The following DAB1 variants were observed in gnomAD, a reference collection of about 807,000 sequenced individuals.
DAB1 encodes the protein disabled homolog 1.
In DAB1, 15 loss-of-function variants were observed where a neutral mutation model predicts 64.6. The ratio of observed to expected loss-of-function variants is 0.23; its 90% CI spans 0.16 to 0.36. DAB1 has a LOEUF of 0.36. DAB1 is among the 10% of genes least tolerant of loss of function. The pLI is 1.00. For synonymous variants in DAB1, 235 were observed against 251.9 expected (o/e 0.93, Z 0.64); for missense variants, 596 against 706.7 (o/e 0.84, Z 1.78).
chr1:57,629,877 G>A (rs988409761), intron 7 of DAB1, among the ~76,000 whole-genome samples: 1 of 151,790 alleles, frequency 6.6e-6, no homozygotes, highest in African/African-American at 2.4e-5. Context: ...TTACATTAAG[G>A]CTCCTCTCAG....
At chr1:58,243,106 G>A (rs1237205223) in intron 4 of DAB1, among the ~76,000 whole-genome samples, 1 of 152,032 alleles carries the variant, frequency 6.6e-6, no homozygotes, top group Non-Finnish European at 1.5e-5. Flanking sequence ...ACCATGTGTT[G>A]CACTCAGATG....
chr1:57,892,340 C>CTGATAGCCTT (rs1553140247), intron 5 of DAB1, among the ~76,000 whole-genome samples: 1 of 152,214 alleles, frequency 6.6e-6, no homozygotes, highest in Non-Finnish European at 1.5e-5. Flanking sequence ...TTAGGCACAT[C>CTGATAGCCTT]TGATAGCCTT....
At chr1:57,193,455 C>T (rs1248429689) in intron 2 of DAB1, among the ~76,000 whole-genome samples, 2 of 137,720 alleles carry the variant, frequency 1.5e-5, no homozygotes, top group Non-Finnish European at 3.0e-5. Flanking sequence ...GGCGCGATCT[C>T]GGCTCACTAC....
chr1:57,277,324 T>C (rs1041646249), intron 2 of DAB1, among the ~76,000 whole-genome samples: 9 of 152,180 alleles, frequency 5.9e-5, no homozygotes, highest in Non-Finnish European at 8.8e-5. Flanking sequence ...GAAAATAAAC[T>C]GAGAGTAATA....
chr1:58,026,026 C>T (rs1214887287), intron 5 of DAB1, among the ~76,000 whole-genome samples: 2 of 151,950 alleles, frequency 1.3e-5, no homozygotes, highest in South Asian at 2.1e-4. Flanking sequence ...TGCAACTTCT[C>T]TAATAGCTCT....
intron 5 of DAB1, among the ~76,000 whole-genome samples, chr1:58,128,919 T>C (rs1208043632): frequency 6.7e-6 from 1 of 148,536 alleles, no homozygotes; most frequent in Non-Finnish European, 1.5e-5. Context: ...TAAAATTCTC[T>C]TTTTTGGTTG....
intron 2 of DAB1, among the ~76,000 whole-genome samples, chr1:57,279,139 AATG>A (rs1256727368): frequency 6.6e-6 from 1 of 152,158 alleles, no homozygotes; most frequent in Non-Finnish European, 1.5e-5. Flanking sequence ...AAGAGATAGA[AATG>A]ATGTTTTCCT....
chr1:57,521,531 A>G (rs1197066145), intron 7 of DAB1, among the ~76,000 whole-genome samples: 1 of 152,178 alleles, frequency 6.6e-6, no homozygotes, highest in African/African-American at 2.4e-5. Context: ...AAGGAATGAT[A>G]CAAGAGTCAA....
rs1250204308 is a variant in DAB1 at position 58,378,275 on chromosome 1, G to A, written n.258-34872C>T. ...GGTGCTCTGCGTTTTAGAGTTTCCC[G>A]TTTTTCTGTTCTGTTTTTTCCCCAT... On this transcript the variant is annotated intron_variant and non_coding_transcript_variant, in intron 3 of 20. Coordinates refer to the DAB1 transcript ENST00000485760. 1.2e-4 allele frequency among the ~76,000 whole-genome samples: 13 copies of A among 110,748 alleles called. 3 individuals carry two copies. The highest frequency in any genetic ancestry group is 4.7e-4 in the East Asian group (2 of 4,262). The allele number at this position is 110,748 out of a possible 152,430, so 72.7% of individuals were successfully genotyped here.
At chr1:57,663,146 GA>G (rs1288923685) in intron 6 of DAB1, among the ~76,000 whole-genome samples, 1 of 152,260 alleles carries the variant, frequency 6.6e-6, no homozygotes, top group East Asian at 1.9e-4. Flanking sequence ...GACTGAAGGC[GA>G]AGGAGAAGCA....
intron 7 of DAB1, among the ~76,000 whole-genome samples, chr1:57,487,432 G>A (rs547332465): frequency 2.0e-5 from 3 of 152,294 alleles, no homozygotes; most frequent in African/African-American, 7.2e-5. Context: ...CCTTCACCAC[G>A]TGTGGCCCTG....
chr1:57,534,453 AT>A (rs1432582301), intron 7 of DAB1, among the ~76,000 whole-genome samples: 1 of 152,110 alleles, frequency 6.6e-6, no homozygotes, highest in Non-Finnish European at 1.5e-5. Context: ...TGTCCTGCAG[AT>A]CCCATTGACT....
At chr1:57,749,104 T>A (rs1428657102) in intron 6 of DAB1, among the ~76,000 whole-genome samples, 1 of 152,170 alleles carries the variant, frequency 6.6e-6, no homozygotes, top group Non-Finnish European at 1.5e-5. Context: ...TGGAATCAGA[T>A]GTGTACATGA....
intron 1 of DAB1, among the ~76,000 whole-genome samples, chr1:57,399,971 A>G (rs1466961081): frequency 2.6e-5 from 4 of 152,132 alleles, no homozygotes; most frequent in African/African-American, 9.7e-5. Flanking sequence ...TATCTTCCCA[A>G]AGGTTGGGGT....
chr1:57,097,011 C>G (rs924161418), intron 4 of DAB1, among the ~76,000 whole-genome samples: 2 of 151,986 alleles, frequency 1.3e-5, no homozygotes, highest in African/African-American at 4.8e-5. Flanking sequence ...GGTTATGGCC[C>G]CAAGAAGGCA....
At chr1:57,862,229 T>C (rs1284734504) in intron 1 of DAB1, among the ~76,000 whole-genome samples, 1 of 152,208 alleles carries the variant, frequency 6.6e-6, no homozygotes, top group East Asian at 1.9e-4. Flanking sequence ...AAATAGATAG[T>C]ATTATCTTGA....
chr1:57,273,559 C>T (rs1456670954), intron 2 of DAB1, among the ~76,000 whole-genome samples: 5 of 48,322 alleles, frequency 1.0e-4, no homozygotes, highest in Non-Finnish European at 4.0e-5. Context: ...GCCTGCCTTC[C>T]TTCCTTCCTT....
chr1:57,852,743 C>A (rs1653587682), intron 1 of DAB1, among the ~76,000 whole-genome samples: 1 of 152,108 alleles, frequency 6.6e-6, no homozygotes, highest in East Asian at 1.9e-4. Context: ...GCATCCATCC[C>A]TGCTTTATGT....
At chr1:57,873,424 A>G (rs1467270155) in intron 1 of DAB1, among the ~76,000 whole-genome samples, 1 of 152,198 alleles carries the variant, frequency 6.6e-6, no homozygotes, top group African/African-American at 2.4e-5. Flanking sequence ...AGATGAATGA[A>G]TAAGCTATAA....
Sources: gnomAD v4.1 joint callset for allele counts (sites outside exome capture counted in the v4.1 genomes callset) on GRCh38, gnomAD v4.1.1 for gene constraint, MANE v1.5 for transcripts, NCBI Gene and HGNC (gene_info 2026-07-23, HGNC 2026-07-21) for gene names.